Variants in INSR observed in about 807,000 individuals in gnomAD.
The protein encoded by INSR is insulin receptor.
In INSR, 67 loss-of-function variants were observed where a neutral mutation model predicts 142.6. The observed-to-expected ratio is 0.47, with a 90% CI of 0.39 to 0.58. The LOEUF (loss-of-function observed/expected upper bound fraction) is 0.58. INSR is among the 20% of genes least tolerant of loss of function. INSR has a pLI of 0.00. For missense variants in INSR, 1,248 were observed against 1,833.2 expected (o/e 0.68, Z 5.83); for synonymous variants, 756 against 743.1 (o/e 1.02, Z -0.28).
At chr19:7,201,723 C>T (rs1452640835) in intron 2 of INSR, among the ~76,000 whole-genome samples, 2 of 138,634 alleles carry the variant, frequency 1.4e-5, no homozygotes, top group Non-Finnish European at 3.0e-5. Context: ...AGTGCAGTGG[C>T]GCGATCTCGG....
In INSR at chr19:7,172,197, C is replaced by A. The variant is rs996631930; in HGVS notation, c.1268+93G>T. ...AAAATGCTGGGATTACAGGCATCAG[C>A]CACCACACCTGGCCAAAAAAATCCT... On this transcript the variant is annotated intron_variant, in intron 5 of 21. Transcript: ENST00000302850. 5.7e-6 allele frequency: 8 copies of A among 1,394,784 alleles called. No homozygotes were observed. The African/African-American group carries it at 1.1e-4, about 20-fold the overall frequency. 86.4% of individuals were successfully genotyped at this position (1,394,784 alleles called of 1,614,324 possible).
At chr19:7,136,849 T>TATATATATATATATA (rs1568437888) in intron 13 of INSR, among the ~76,000 whole-genome samples, 10 of 126,138 alleles carry the variant, frequency 7.9e-5, no homozygotes, top group African/African-American at 3.8e-4. Flanking sequence ...ATATATATAT[T>TATATATATATATATA]GAGATGGTGT....
At chr19:7,282,093 G>A (rs758383642) in intron 1 of INSR, among the ~76,000 whole-genome samples, 1 of 152,152 alleles carries the variant, frequency 6.6e-6, no homozygotes, top group Non-Finnish European at 1.5e-5. Flanking sequence ...GGCGGGGCAC[G>A]GTGGCTCACA....
At chr19:7,202,448 G>A (rs994423988) in intron 2 of INSR, among the ~76,000 whole-genome samples, 6 of 151,898 alleles carry the variant, frequency 4.0e-5, no homozygotes, top group South Asian at 2.1e-4. Context: ...GCAGTGTTTC[G>A]ATCCTCCAAC....
chr19:7,206,391 T>G (rs1171636854), intron 2 of INSR, among the ~76,000 whole-genome samples: 5 of 152,132 alleles, frequency 3.3e-5, no homozygotes, highest in Non-Finnish European at 7.4e-5. Flanking sequence ...CAGTCTAGTT[T>G]CAAACCAGCC....
chr19:7,285,930 A>G (rs1054481241), intron 1 of INSR, among the ~76,000 whole-genome samples: 2 of 152,172 alleles, frequency 1.3e-5, no homozygotes, highest in Admixed American at 1.3e-4. Context: ...TAAAAATCAT[A>G]AAATGGTACA....
At chr19:7,279,526 C>T (rs1407020250) in intron 1 of INSR, among the ~76,000 whole-genome samples, 1 of 150,034 alleles carries the variant, frequency 6.7e-6, no homozygotes, top group Non-Finnish European at 1.5e-5. Context: ...GCAAGAACAA[C>T]AGGCTGAGTT....
intron 9 of INSR, among the ~76,000 whole-genome samples, chr19:7,162,676 C>T (rs1973785059): frequency 1.3e-5 from 2 of 151,532 alleles, no homozygotes; most frequent in Non-Finnish European, 2.9e-5. Context: ...CCAAATTAGC[C>T]GGGCGTGGTG....
rs1973939748 is a variant in INSR at position 7,168,543 on chromosome 19, T to A, written c.1484-449A>T. Among the ~76,000 whole-genome samples the A allele has an allele frequency of 6.6e-6, 1 of 152,150 alleles. No individual in the cohort carries two copies. ...TAGAGACCCTGCAGATCATTAGACA[T>A]CGGAGAGACGCATCTAAGTAATTCT... On this transcript the variant is annotated intron_variant, in intron 6 of 21. Transcript: ENST00000302850. The surrounding 1 kb of genome is among the most constrained non-coding windows in gnomAD (Gnocchi z 4.3).
intron 3 of INSR, among the ~76,000 whole-genome samples, chr19:7,176,608 A>G (rs1568465486): frequency 6.6e-6 from 1 of 152,064 alleles, no homozygotes; most frequent in Non-Finnish European, 1.5e-5. Context: ...CTCAAAACAA[A>G]CAAACAAAAC....
chr19:7,194,510 T>TA (rs1483813144), intron 2 of INSR, among the ~76,000 whole-genome samples: 1 of 16,384 alleles, frequency 6.1e-5, no homozygotes, highest in African/African-American at 1.5e-4. Flanking sequence ...TAGCTTTGCT[T>TA]TTTTTTTTTT....
chr19:7,229,090 G>A (rs1374228807), intron 2 of INSR, among the ~76,000 whole-genome samples: 3 of 151,586 alleles, frequency 2.0e-5, no homozygotes, highest in Non-Finnish European at 4.4e-5. Flanking sequence ...TGGATGGATG[G>A]GTGATTGGAT....
chr19:7,212,052 G>A (rs1012798415), intron 2 of INSR, among the ~76,000 whole-genome samples: 41 of 152,158 alleles, frequency 2.7e-4, no homozygotes, highest in African/African-American at 9.6e-4. Flanking sequence ...CTTCATCTGG[G>A]GAGGGGCCGT....
At chr19:7,205,941 T>C (rs890050188) in intron 2 of INSR, among the ~76,000 whole-genome samples, 2 of 151,974 alleles carry the variant, frequency 1.3e-5, no homozygotes, top group Middle Eastern at 3.4e-3. Flanking sequence ...GCACGTGGAG[T>C]GCAAGGACTT....
At chr19:7,198,471 G>C (rs1322145960) in intron 2 of INSR, among the ~76,000 whole-genome samples, 1 of 152,148 alleles carries the variant, frequency 6.6e-6, no homozygotes, top group African/African-American at 2.4e-5. Flanking sequence ...CATCCACCGG[G>C]GTGGCTTAGG....
Position 7,139,821 on chromosome 19 carries a change from CT to C in INSR, c.2682+1855del, listed in dbSNP as rs10673049. Among the ~76,000 whole-genome samples, 201 of 115,724 alleles carry C rather than the reference CT, an allele frequency of 1.7e-3. 1 individual carries two copies. Among genetic ancestry groups the C allele is most frequent in the African/African-American group, 5.8e-3 (177 of 30,412 alleles). The allele number at this position is 115,724 out of a possible 152,430, so 75.9% of individuals were successfully genotyped here. A position where few individuals can be genotyped will look rare whatever the true frequency, so the allele number is the denominator to read the frequency against. On this transcript the variant is annotated intron_variant, in intron 13 of 21. Coordinates refer to ENST00000302850, the MANE Select transcript of INSR (RefSeq NM_000208.4). ...CCACATATAGTCTCTGTTGCGTATTCTTTTTTTTTTTTTTTTTTTTGAGACA... is the reference window on the plus strand; with the variant it reads ...CCACATATAGTCTCTGTTGCGTATTCTTTTTTTTTTTTTTTTTTTGAGACA...
chr19:7,129,271 T>A (rs538498114), intron 14 of INSR, among the ~76,000 whole-genome samples: 1 of 152,300 alleles, frequency 6.6e-6, no homozygotes, highest in Admixed American at 6.5e-5. Flanking sequence ...TTCTGTCAGT[T>A]TAATGCTCTG....
chr19:7,203,595 G>T (rs956662043), intron 2 of INSR, among the ~76,000 whole-genome samples: 2 of 152,108 alleles, frequency 1.3e-5, no homozygotes, highest in African/African-American at 4.8e-5. Flanking sequence ...CAAGTATATG[G>T]CGGTCTTGAA....
chr19:7,198,120 G>A (rs567148235), intron 2 of INSR, among the ~76,000 whole-genome samples: 2 of 151,894 alleles, frequency 1.3e-5, no homozygotes, highest in African/African-American at 4.8e-5. Flanking sequence ...TCAAGGCTCC[G>A]CCCCCTCGAG....
Sources: gnomAD v4.1 joint callset for allele counts (sites outside exome capture counted in the v4.1 genomes callset) on GRCh38, gnomAD v4.1.1 for gene constraint, Gnocchi (gnomAD v3.1) non-coding constraint, MANE v1.5 for transcripts, NCBI Gene and HGNC (gene_info 2026-07-23, HGNC 2026-07-21) for gene names.